NRXN3: variants seen among roughly 807,000 people sequenced by gnomAD.
NRXN3 encodes neurexin III.
In NRXN3, 32 loss-of-function variants were observed where a neutral mutation model predicts 137.6. That is an observed-to-expected ratio of 0.23 (90% CI 0.18 to 0.31). NRXN3 has a LOEUF of 0.31. Among genes scored for constraint, NRXN3 ranks in the 10% least tolerant of loss-of-function variants. The probability of loss-of-function intolerance (pLI) is 1.00; values close to 1 mark genes in which losing one functional copy is unlikely to be tolerated. For synonymous variants in NRXN3, 798 were observed against 784.5 expected (o/e 1.02, Z -0.29); for missense variants, 1,574 against 2,062.5 (o/e 0.76, Z 4.59).
intron 15 of NRXN3, among the ~76,000 whole-genome samples, chr14:79,129,014 G>A (rs999924839): frequency 1.4e-4 from 21 of 152,002 alleles, no homozygotes; most frequent in African/African-American, 4.1e-4. Flanking sequence ...CTGTGGGATC[G>A]GTGGAGATAT....
intron 8 of NRXN3, among the ~76,000 whole-genome samples, chr14:78,762,822 G>C (rs1403179444): frequency 6.6e-6 from 1 of 152,218 alleles, no homozygotes; most frequent in African/African-American, 2.4e-5. Context: ...TCAGAGGCTT[G>C]CACTGGTACT....
At chr14:79,546,502 T>G (rs1319206479) in intron 16 of NRXN3, among the ~76,000 whole-genome samples, 1 of 152,168 alleles carries the variant, frequency 6.6e-6, no homozygotes, top group African/African-American at 2.4e-5. Context: ...ATGTAAGATG[T>G]TTGAGTTTCA....
chr14:79,200,264 T>G (rs2065783677), intron 15 of NRXN3, among the ~76,000 whole-genome samples: 1 of 152,176 alleles, frequency 6.6e-6, no homozygotes, highest in African/African-American at 2.4e-5. Context: ...AGTTGTGGAT[T>G]TGCACGTTAG....
chr14:78,503,763 C>T (rs1188906442), intron 4 of NRXN3, among the ~76,000 whole-genome samples: 1 of 152,214 alleles, frequency 6.6e-6, no homozygotes, highest in Non-Finnish European at 1.5e-5. Context: ...AAAGGAGGAA[C>T]ATCATACTAG....
At chr14:79,744,728 A>G (rs932538371) in intron 19 of NRXN3, among the ~76,000 whole-genome samples, 1 of 152,188 alleles carries the variant, frequency 6.6e-6, no homozygotes, top group Non-Finnish European at 1.5e-5. Context: ...TTTAGTGTAG[A>G]TAAGTTGAAC....
intron 15 of NRXN3, among the ~76,000 whole-genome samples, chr14:79,012,964 G>C (rs1012817407): frequency 2.0e-5 from 3 of 152,136 alleles, no homozygotes; most frequent in African/African-American, 7.2e-5. Context: ...GAAATTTATA[G>C]TAATGTTTTT....
In NRXN3 at chr14:79,369,448, G is replaced by A. The variant is rs560714916; in HGVS notation, c.3263-97773G>A. Among the ~76,000 whole-genome samples, 4 of 152,246 alleles carry A rather than the reference G, an allele frequency of 2.6e-5. No individual in the cohort carries two copies. In the East Asian group the frequency reaches 7.7e-4, roughly 29 times the overall value. ...GTATAACAAATCTTTTATGGTGAGT[G>A]ATCCATGGAATTAGGTACTTAGAAA... is the stretch of plus-strand genomic sequence containing the variant. On this transcript the variant is annotated intron_variant, in intron 15 of 20. Transcript: ENST00000335750.
chr14:78,175,661 C>T (rs895304666), intron 1 of NRXN3, among the ~76,000 whole-genome samples: 1 of 152,102 alleles, frequency 6.6e-6, no homozygotes, highest in African/African-American at 2.4e-5. Context: ...GCTGGGCCAG[C>T]CACAGGTGGC....
intron 4 of NRXN3, among the ~76,000 whole-genome samples, chr14:78,593,370 A>T (rs1185817650): frequency 6.6e-6 from 1 of 152,154 alleles, no homozygotes; most frequent in African/African-American, 2.4e-5. Flanking sequence ...AGGCCTTCTG[A>T]GAGGCCAGGG....
chr14:79,196,553 T>C (rs1487582398), intron 15 of NRXN3, among the ~76,000 whole-genome samples: 1 of 151,858 alleles, frequency 6.6e-6, no homozygotes, highest in African/African-American at 2.4e-5. Context: ...GAATTAACTT[T>C]CCAACACATG....
intron 1 of NRXN3, among the ~76,000 whole-genome samples, chr14:78,176,842 A>C (rs1030365522): frequency 5.3e-5 from 8 of 150,850 alleles, no homozygotes; most frequent in African/African-American, 2.0e-4. Context: ...TTCAGAGGGG[A>C]GTGAGGTCTT....
At chr14:78,409,518 C>A (rs2092700518) in intron 4 of NRXN3, among the ~76,000 whole-genome samples, 1 of 152,264 alleles carries the variant, frequency 6.6e-6, no homozygotes, top group East Asian at 1.9e-4. Flanking sequence ...AAATTATTAT[C>A]TCTCTCTCGT....
At chr14:79,546,671 G>A (rs1601917386) in intron 16 of NRXN3, among the ~76,000 whole-genome samples, 1 of 152,120 alleles carries the variant, frequency 6.6e-6, no homozygotes, top group Non-Finnish European at 1.5e-5. Context: ...CTGTCAATAT[G>A]AGTCTCCCAA....
intron 15 of NRXN3, among the ~76,000 whole-genome samples, chr14:79,457,166 T>C (rs1405488349): frequency 6.6e-6 from 1 of 152,182 alleles, no homozygotes; most frequent in Non-Finnish European, 1.5e-5. Context: ...CAATTTCAGT[T>C]CAAATCACAT....
chr14:79,690,085 G>A (rs374207267), intron 17 of NRXN3, among the ~76,000 whole-genome samples: 5 of 152,112 alleles, frequency 3.3e-5, no homozygotes, highest in East Asian at 3.9e-4. Context: ...CAGATCTGGC[G>A]CAAGCCAATT....
rs1316407097 is a variant in NRXN3, at chr14:79,865,900, A to G, written c.*3936A>G. The G allele has an allele frequency of 6.6e-6, 1 of 152,116 alleles. No individual in the cohort carries two copies. The highest frequency in any genetic ancestry group is 1.5e-5 in the Non-Finnish European group (1 of 68,010). 9.4% of individuals were successfully genotyped at this position (152,116 alleles called of 1,614,324 possible). On this transcript the variant is annotated 3_prime_UTR_variant, in exon 21 of 21. Coordinates refer to ENST00000335750, the MANE Select transcript of NRXN3 (RefSeq NM_001330195.2). ...TGATCCACCCACCTTGGCCTTGCAA[A>G]ATGCTGGGATTATAGGTGTGAGCCA...
chr14:79,473,004 C>T (rs1168362131), intron 16 of NRXN3, among the ~76,000 whole-genome samples: 1 of 152,112 alleles, frequency 6.6e-6, no homozygotes, highest in Non-Finnish European at 1.5e-5. Flanking sequence ...AGTAAATCCT[C>T]TTGGATTCAT....
At chr14:79,620,098 A>G (rs936843423) in intron 16 of NRXN3, among the ~76,000 whole-genome samples, 1 of 152,116 alleles carries the variant, frequency 6.6e-6, no homozygotes, top group Non-Finnish European at 1.5e-5. Flanking sequence ...GTTTCAAAGA[A>G]TAAATAGAAG....
At chr14:78,800,273 T>C (rs531577525) in intron 8 of NRXN3, among the ~76,000 whole-genome samples, 220 of 152,340 alleles carry the variant, frequency 1.4e-3, no homozygotes, top group Non-Finnish European at 2.7e-3. Context: ...TTAGCCATGT[T>C]ACTTGATATC....
Sources: allele counts gnomAD v4.1 joint callset (sites outside exome capture counted in the v4.1 genomes callset), GRCh38; gene constraint gnomAD v4.1.1; transcripts MANE v1.5; gene names NCBI Gene and HGNC (gene_info 2026-07-23, HGNC 2026-07-21).